The following CCDC61 variants were observed in gnomAD, a reference collection of about 807,000 sequenced individuals.
The protein encoded by CCDC61 is coiled-coil domain containing 61.
In CCDC61, 55 loss-of-function variants were observed where a neutral mutation model predicts 63.0. That is an observed-to-expected ratio of 0.87 (90% confidence interval 0.70 to 1.09). The LOEUF is 1.09. CCDC61 is among the 50% of genes least tolerant of loss of function. The probability of loss-of-function intolerance (pLI) is 0.00; values close to 1 mark genes in which losing one functional copy is unlikely to be tolerated. For missense variants in CCDC61, 651 were observed against 731.4 expected (o/e 0.89, Z 1.27); for synonymous variants, 270 against 317.0 (o/e 0.85, Z 1.58).
chr19:46,015,332 C>G lies in CCDC61; in HGVS notation c.763-13C>G. 1 of 1,597,186 alleles carries G rather than the reference C, an allele frequency of 6.3e-7. No homozygotes were observed. Among genetic ancestry groups the G allele is most frequent in the Non-Finnish European group, 8.5e-7 (1 of 1,177,460 alleles). ...TCAGCCTGGACCTCCGCGCCCCTCT[C>G]CCCTCCCGGCAGCTCGAGGAGGCGA... On this transcript the variant is annotated splice_polypyrimidine_tract_variant and intron_variant, in intron 6 of 13. Transcript: ENST00000595358. This position sits in a 1 kb window ranked among gnomAD's most constrained non-coding sequence, Gnocchi z 5.3.
At chr19:46,009,468 C>T (rs1328874586) in intron 5 of CCDC61, among the ~76,000 whole-genome samples, 1 of 152,178 alleles carries the variant, frequency 6.6e-6, no homozygotes, top group African/African-American at 2.4e-5. Flanking sequence ...TCACAGCCAC[C>T]CTACAAGGTA....
At chr19:45,997,009 C>T (rs1408171405) in intron 1 of CCDC61, among the ~76,000 whole-genome samples, 1 of 152,194 alleles carries the variant, frequency 6.6e-6, no homozygotes, top group Non-Finnish European at 1.5e-5. Context: ...CACGAGGCCC[C>T]AACCTATTGG....
chr19:46,016,988 T>C lies in CCDC61; in HGVS notation c.1232-3T>C, dbSNP rs1376123141. On this transcript the variant is annotated splice_region_variant and splice_polypyrimidine_tract_variant and intron_variant, in intron 10 of 13. Coordinates refer to ENST00000595358, the MANE Select transcript of CCDC61 (RefSeq NM_001267723.2). This position sits in a 1 kb window ranked among gnomAD's most constrained non-coding sequence, Gnocchi z 7.2. ...AGCGGTCACGCCCTCCGTCTCCCTC[T>C]AGTGGACAGTTTCCGCAGCCGCTGC... The C allele has an allele frequency of 1.2e-6, 2 of 1,610,354 alleles. No homozygotes were observed. The highest frequency in any genetic ancestry group is 2.7e-5 in the African/African-American group (2 of 74,886).
intron 5 of CCDC61, among the ~76,000 whole-genome samples, chr19:46,012,983 CTGGGACT>C (rs1472737246): frequency 6.6e-6 from 1 of 151,918 alleles, no homozygotes; most frequent in African/African-American, 2.4e-5. Context: ...TTCCCAGTAG[CTGGGACT>C]ACAGGCACAT....
Position 46,018,193 on chromosome 19 carries a change from C to T in CCDC61, c.1441+43C>T, listed in dbSNP as rs778578912. 46 of 1,571,258 alleles carry T rather than the reference C, an allele frequency of 2.9e-5. No individual in the cohort carries two copies. The highest frequency in any genetic ancestry group is 2.3e-4 in the African/African-American group (17 of 73,510). On this transcript the variant is annotated intron_variant, in intron 13 of 13. Transcript: ENST00000595358. The surrounding 1 kb of genome is among the most constrained non-coding windows in gnomAD (Gnocchi z 4.2). Reference sequence around the variant, plus strand: ...CATCCCCTCTCCCAGCCCCAGGACCCGTTGGAATGGTAGTGCGGGCAGTGG... The same window carrying T: ...CATCCCCTCTCCCAGCCCCAGGACCTGTTGGAATGGTAGTGCGGGCAGTGG...
chr19:45,995,563 G>A, intron 1 of CCDC61, 59 bp downstream of exon 1: 1 of 463,834 alleles, frequency 2.2e-6, no homozygotes, highest in Middle Eastern at 4.7e-4. Context: ...AGGTGGAGGG[G>A]AAGGGGCTTC....
At chr19:46,013,695 C>T (rs1039846847) in intron 5 of CCDC61, among the ~76,000 whole-genome samples, 8 of 151,604 alleles carry the variant, frequency 5.3e-5, no homozygotes, top group African/African-American at 9.7e-5. Flanking sequence ...GGTGAAACCC[C>T]GTCTCTACTA....
chr19:46,005,323 G>C (rs971003876), intron 3 of CCDC61, among the ~76,000 whole-genome samples: 13 of 152,140 alleles, frequency 8.5e-5, no homozygotes, highest in African/African-American at 2.9e-4. Context: ...ACAAGCGATA[G>C]TTTCTTAAAG....
intron 1 of CCDC61, among the ~76,000 whole-genome samples, chr19:46,002,135 G>A (rs2146456560): frequency 6.6e-6 from 1 of 151,774 alleles, no homozygotes; most frequent in South Asian, 2.1e-4. Flanking sequence ...TAGTAGAGAT[G>A]GGGTTTCACC....
Position 46,016,671 on chromosome 19 carries a change from G to A in CCDC61, c.1092-23G>A. ...CTGCAGGAGTTGGGCGTACAGACCG[G>A]CGTCTCCTTTCTTTTTTCCCAGGCA... On this transcript the variant is annotated intron_variant, in intron 9 of 13. Coordinates refer to ENST00000595358, the MANE Select transcript of CCDC61 (RefSeq NM_001267723.2). The surrounding 1 kb of genome is among the most constrained non-coding windows in gnomAD (Gnocchi z 7.2). 2 of 1,611,224 alleles carry A rather than the reference G, an allele frequency of 1.2e-6. No individual in the cohort carries two copies. Among genetic ancestry groups the A allele is most frequent in the Non-Finnish European group, 1.7e-6 (2 of 1,179,068 alleles).
intron 1 of CCDC61, among the ~76,000 whole-genome samples, chr19:46,002,570 C>T (rs981461019): frequency 6.6e-6 from 1 of 151,854 alleles, no homozygotes; most frequent in Admixed American, 6.6e-5. Flanking sequence ...CATGCACCAC[C>T]ACACCTGGCA....
intron 5 of CCDC61, among the ~76,000 whole-genome samples, chr19:46,009,332 A>C (rs1968778758): frequency 6.6e-6 from 1 of 152,146 alleles, no homozygotes; most frequent in African/African-American, 2.4e-5. Flanking sequence ...TACCGGGAAG[A>C]GGCCTGGCTC....
At chr19:46,003,973 C>G (rs901395321) in intron 3 of CCDC61, among the ~76,000 whole-genome samples, 1 of 151,894 alleles carries the variant, frequency 6.6e-6, no homozygotes, top group Non-Finnish European at 1.5e-5. Context: ...GAGTCTCGCT[C>G]TGTCGCCCAG....
rs187089392 is a variant in CCDC61, at chr19:45,996,747, T to C, written c.-12+1243T>C. ...TCCCTTTTGTCTTACTTATATATGG[T>C]CTAGCAGATCGCATTAGCTCTGTCT... is the stretch of plus-strand genomic sequence containing the variant. On this transcript the variant is annotated intron_variant, in intron 1 of 13. Transcript: ENST00000595358. Among the ~76,000 whole-genome samples the C allele has an allele frequency of 5.9e-4, 90 of 152,296 alleles. 1 individual carries two copies. Among genetic ancestry groups the C allele is most frequent in the African/African-American group, 2.1e-3 (88 of 41,554 alleles).
chr19:46,009,988 T>C (rs1052477956), intron 5 of CCDC61, among the ~76,000 whole-genome samples: 1 of 152,226 alleles, frequency 6.6e-6, no homozygotes, highest in Non-Finnish European at 1.5e-5. Context: ...GCTCAGTGGC[T>C]TCTTATCTTC....
At chr19:45,997,843 C>T (rs543255219) in intron 1 of CCDC61, among the ~76,000 whole-genome samples, 72 of 151,948 alleles carry the variant, frequency 4.7e-4, no homozygotes, top group Non-Finnish European at 9.1e-4. Context: ...TATGCCACCA[C>T]GCCTGGCTAA....
At chr19:45,997,316 T>C (rs1321757944) in intron 1 of CCDC61, among the ~76,000 whole-genome samples, 1 of 152,208 alleles carries the variant, frequency 6.6e-6, no homozygotes, top group Non-Finnish European at 1.5e-5. Context: ...CTACTCAAGC[T>C]AAAATAACTC....
intron 1 of CCDC61, among the ~76,000 whole-genome samples, chr19:46,000,873 G>C (rs1268296666): frequency 6.6e-6 from 1 of 151,896 alleles, no homozygotes; most frequent in Non-Finnish European, 1.5e-5. Flanking sequence ...CTCTTCGCGG[G>C]GTGGGTATGG....
chr19:46,005,750 G>C (rs572980906), intron 3 of CCDC61, among the ~76,000 whole-genome samples: 18 of 151,308 alleles, frequency 1.2e-4, no homozygotes, highest in African/African-American at 4.1e-4. Context: ...ATTTCTGCCA[G>C]ATAGCCCGAG....
Sources: gnomAD v4.1 joint callset for allele counts (sites outside exome capture counted in the v4.1 genomes callset) on GRCh38, gnomAD v4.1.1 for gene constraint, Gnocchi (gnomAD v3.1) non-coding constraint, MANE v1.5 for transcripts, NCBI Gene and HGNC (gene_info 2026-07-23, HGNC 2026-07-21) for gene names.